CEP295: variants seen among roughly 807,000 people sequenced by gnomAD.
The protein encoded by CEP295 is centrosomal protein of 295 kDa.
A neutral mutation model predicts 291.6 loss-of-function variants in CEP295; 190 were observed. The observed-to-expected ratio is 0.65, with a 90% confidence interval of 0.58 to 0.73. The LOEUF is 0.73. Ranked by LOEUF, CEP295 falls within the 30% of genes least tolerant of loss-of-function variation. The probability of loss-of-function intolerance (pLI) is 0.00; values close to 1 mark genes in which losing one functional copy is unlikely to be tolerated. For synonymous variants in CEP295, 993 were observed against 1,038.8 expected (o/e 0.96, Z 0.85); for missense variants, 2,863 against 2,949.4 (o/e 0.97, Z 0.68).
chr11:93,692,325 C>T (rs1951603524), intron 12 of CEP295, among the ~76,000 whole-genome samples: 1 of 152,170 alleles, frequency 6.6e-6, no homozygotes, highest in Non-Finnish European at 1.5e-5. Flanking sequence ...TTATCCTACA[C>T]AGTTTCTGAT....
chr11:93,708,692 T>C (rs1271350715), intron 18 of CEP295, among the ~76,000 whole-genome samples: 1 of 152,212 alleles, frequency 6.6e-6, no homozygotes, highest in Non-Finnish European at 1.5e-5. Flanking sequence ...CCGAATCATA[T>C]GGTAGTAATA....
At chr11:93,687,591 C>A in intron 9 of CEP295, 53 bp from the exon 10 acceptor site, 1 of 938,288 alleles carries the variant, frequency 1.1e-6, no homozygotes, top group South Asian at 1.7e-5. Flanking sequence ...GAACAATTTG[C>A]CTGGTAATAC....
intron 18 of CEP295, among the ~76,000 whole-genome samples, chr11:93,712,354 A>G (rs1174758746): frequency 6.6e-6 from 1 of 152,112 alleles, no homozygotes; most frequent in Non-Finnish European, 1.5e-5. Flanking sequence ...CGTGGGTTCA[A>G]GTGATTCTCC....
In CEP295 at chr11:93,698,072, C is replaced by T. The variant is rs1005519409; in HGVS notation, c.3160C>T (p.His1054Tyr). 2 of 1,551,992 alleles carry T rather than the reference C, an allele frequency of 1.3e-6. No homozygotes were observed. The highest frequency in any genetic ancestry group is 1.7e-6 in the Non-Finnish European group (2 of 1,147,038). The change falls in exon 15 of 30, where the codon CAT becomes TAT. Residue 1054 changes from histidine (H) to tyrosine (Y), a missense_variant. His to Tyr is a moderately conservative substitution (Grantham distance 83). This residue lies in a region of CEP295 where 2,295 missense variants were observed against 2,335.7 expected (regional missense o/e 0.98). Transcript: ENST00000325212. ...TTTCCTACAGCAGTTCCTACCTCTA[C>T]ATGATAGTTTGAAGTTGCTCCAAGA... The part of the protein sequence containing the change: ...LSFLQQFLPL[H>Y]DSLKLLQEQL...
rs758971546 is a variant in CEP295, at chr11:93,706,716, T to C, written c.5597-29T>C. On this transcript the variant is annotated intron_variant, in intron 17 of 29. Coordinates refer to ENST00000325212, the MANE Select transcript of CEP295 (RefSeq NM_033395.2). ...TTCTAGCTATTAATAGTTCCAGAAA[T>C]TGAAGTGGAAATATTTTTTCCCCCC... 2.7e-5 allele frequency: 41 copies of C among 1,491,946 alleles called. No individual in the cohort carries two copies. In the African/African-American group the frequency reaches 5.7e-4, roughly 21 times the overall value. The allele number at this position is 1,491,946 out of a possible 1,614,324, so 92.4% of individuals were successfully genotyped here.
intron 18 of CEP295, among the ~76,000 whole-genome samples, chr11:93,710,677 AGTGG>A (rs1952832806): frequency 6.6e-6 from 1 of 152,086 alleles, no homozygotes; most frequent in Non-Finnish European, 1.5e-5. Context: ...GAATAGTTTG[AGTGG>A]GATTGGTATT....
At chr11:93,724,149 C>T (rs1953963158) in intron 21 of CEP295, 105 bp from the exon 22 acceptor site, 6 of 1,038,164 alleles carry the variant, frequency 5.8e-6, no homozygotes, top group African/African-American at 3.2e-5. Context: ...TGAAAATAAG[C>T]GTTTATGAAT....
At chr11:93,692,679 T>G (rs944031225) in intron 12 of CEP295, among the ~76,000 whole-genome samples, 5 of 152,016 alleles carry the variant, frequency 3.3e-5, no homozygotes, top group Admixed American at 1.3e-4. Context: ...AAGCTAAACT[T>G]TAACTTCTTT....
chr11:93,691,996 C>T lies in CEP295; in HGVS notation c.1499C>T (p.Ala500Val), dbSNP rs1489274198. 4 of 1,533,636 alleles carry T rather than the reference C, an allele frequency of 2.6e-6. No individual in the cohort carries two copies. The highest frequency in any genetic ancestry group is 3.5e-6 in the Non-Finnish European group (4 of 1,131,030). The change falls in exon 12 of 30, where the codon GCA (alanine) becomes GTA (valine). Residue 500 changes from alanine (A) to valine (V), a missense_variant. By Grantham distance (64) the Ala-to-Val change is moderately conservative. Coordinates refer to ENST00000325212, the MANE Select transcript of CEP295 (RefSeq NM_033395.2). ...GTTCTACTTCATCCTCAAGAAGCAG[C>T]AGCCAGGATTAGAATGTCAGCAAGG... is the stretch of plus-strand genomic sequence containing the variant. ...SSVLLHPQEA[A>V]ARIRMSARQK...
In CEP295 at chr11:93,727,238, G is replaced by T. The variant is rs888569024; in HGVS notation, c.6762G>T (p.Gln2254His). 1 of 1,551,738 alleles carries T rather than the reference G, an allele frequency of 6.4e-7. No homozygotes were observed. Among genetic ancestry groups the T allele is most frequent in the Non-Finnish European group, 8.7e-7 (1 of 1,146,964 alleles). ...ATGTATTTGATCAGTTAAATGTACA[G>T]CATAGCACTCCATGTGGTTCTAACT... ...EANVFDQLNV[Q>H]HSTPCGSNSS... Residue 2254 changes from glutamine (Q) to histidine (H), a missense_variant, in exon 24 of 30, where the codon CAG (glutamine) becomes CAT (histidine). By Grantham distance (24) the Gln-to-His change is conservative. Around this residue, in one of 3 missense-constraint regions of CEP295, gnomAD observed 2,295 missense variants for 2,335.7 expected, o/e 0.98. Coordinates refer to ENST00000325212, the MANE Select transcript of CEP295 (RefSeq NM_033395.2).
intron 25 of CEP295, chr11:93,729,092 T>C (rs1000963631): frequency 2.2e-5 from 11 of 494,378 alleles, no homozygotes; most frequent in Non-Finnish European, 3.9e-5. Context: ...GTTGGAAGTT[T>C]TACCTAAACT....
At position 93,698,631 on chromosome 11, in the gene CEP295, A is replaced by T; in HGVS notation, c.3719A>T (p.Gln1240Leu). 1 of 1,551,336 alleles carries T rather than the reference A, an allele frequency of 6.4e-7. No homozygotes were observed. The highest frequency in any genetic ancestry group is 8.7e-7 in the Non-Finnish European group (1 of 1,147,128). ...PLSHPKIPRC[Q>L]ERLLRVSQHM... ...AGCCATCCTAAGATCCCAAGATGTCAGGAAAGACTTTTGAGAGTTTCACAA... is the reference window on the plus strand; with the variant it reads ...AGCCATCCTAAGATCCCAAGATGTCTGGAAAGACTTTTGAGAGTTTCACAA... The change falls in exon 15 of 30, where the codon CAG becomes CTG. Residue 1240 changes from glutamine (Q) to leucine (L), a missense_variant. This residue lies in a region of CEP295 where 2,295 missense variants were observed against 2,335.7 expected (regional missense o/e 0.98). Transcript: ENST00000325212.
At position 93,727,400 on chromosome 11, in the gene CEP295, G is replaced by T. The variant is rs1359795761; in HGVS notation, c.6924G>T (p.Arg2308Ser). 3.2e-6 allele frequency: 5 copies of T among 1,551,558 alleles called. No individual in the cohort carries two copies. The highest frequency in any genetic ancestry group is 3.9e-5 in the Admixed American group (2 of 51,010). ...AAGATAATAAAAATGAAACCTGTAG[G>T]GTTTTAGACATAAATCCACAGGTAG... ...LIEDNKNETC[R>S]VLDINPQVEE... The change falls in exon 24 of 30, where the codon AGG (arginine) becomes AGT (serine). Residue 2308 changes from arginine (R) to serine (S), a missense_variant. Physicochemically the swap from Arg to Ser is moderately radical, Grantham distance 110. This residue lies in a region of CEP295 where 2,295 missense variants were observed against 2,335.7 expected (regional missense o/e 0.98). Transcript: ENST00000325212.
In CEP295 at chr11:93,695,730, G is replaced by A. The variant is rs958333134; in HGVS notation, c.1671+96G>A. ...AGCGTTTAGAAAAGTAAAATGGATGGCTGGGCGCGGTGGCTCATGCCTGTA... is the reference window on the plus strand; with the variant it reads ...AGCGTTTAGAAAAGTAAAATGGATGACTGGGCGCGGTGGCTCATGCCTGTA... On this transcript the variant is annotated intron_variant, in intron 13 of 29. Coordinates refer to ENST00000325212, the MANE Select transcript of CEP295 (RefSeq NM_033395.2). 5.8e-6 allele frequency: 8 copies of A among 1,379,762 alleles called. No homozygotes were observed. The South Asian group carries it at 1.2e-4, about 21-fold the overall frequency. 85.5% of individuals were successfully genotyped at this position (1,379,762 alleles called of 1,614,324 possible).
intron 18 of CEP295, among the ~76,000 whole-genome samples, chr11:93,708,037 T>A (rs901583505): frequency 2.0e-5 from 3 of 152,232 alleles, no homozygotes; most frequent in African/African-American, 7.2e-5. Flanking sequence ...CTTTTTTTAA[T>A]TTTTAATTTT....
intron 19 of CEP295, 45 bp from the exon 20 acceptor site, chr11:93,721,909 A>G (rs777372334): frequency 2.9e-6 from 4 of 1,374,678 alleles, no homozygotes; most frequent in East Asian, 4.6e-5. Context: ...GTTTTCTTAC[A>G]TACTACTTGC....
intron 5 of CEP295, 24 bp from the exon 6 acceptor site, chr11:93,675,547 A>C (rs1950645664): frequency 7.7e-7 from 1 of 1,304,468 alleles, no homozygotes; most frequent in Non-Finnish European, 1.0e-6. Flanking sequence ...CTTTTAACCT[A>C]TTTTTTTATG....
At chr11:93,674,773 T>G (rs10765629) in intron 5 of CEP295, among the ~76,000 whole-genome samples, 2 of 152,140 alleles carry the variant, frequency 1.3e-5, no homozygotes, top group Non-Finnish European at 2.9e-5. Context: ...ATCTGTAAAA[T>G]GCATGGTTTA....
Position 93,727,183 on chromosome 11 carries a change from G to C in CEP295, c.6707G>C (p.Ser2236Thr). The change falls in exon 24 of 30, where the codon AGT (serine) becomes ACT (threonine). Residue 2236 changes from serine (S) to threonine (T), a missense_variant. Coordinates refer to ENST00000325212, the MANE Select transcript of CEP295 (RefSeq NM_033395.2). ...TTCCAGCTTTCTATAGGAAACTTAAGTTCAGTCTACAGTTCATCTGATGAA... is the reference window on the plus strand; with the variant it reads ...TTCCAGCTTTCTATAGGAAACTTAACTTCAGTCTACAGTTCATCTGATGAA... ...VHFQLSIGNLSSVYSSSDEAN... is the reference protein window; with the variant it reads ...VHFQLSIGNLTSVYSSSDEAN... The C allele has an allele frequency of 6.4e-7, 1 of 1,550,952 alleles. No homozygotes were observed. Among genetic ancestry groups the C allele is most frequent in the Non-Finnish European group, 8.7e-7 (1 of 1,146,676 alleles).
Sources: gnomAD v4.1 joint callset for allele counts (sites outside exome capture counted in the v4.1 genomes callset) on GRCh38, gnomAD v4.1.1 for gene constraint, gnomAD v4.1.1 regional missense constraint, MANE v1.5 for transcripts, NCBI Gene and HGNC (gene_info 2026-07-23, HGNC 2026-07-21) for gene names.